PRRX1: variants seen among roughly 807,000 people sequenced by gnomAD.
PRRX1 encodes paired related homeobox 1, also known as paired mesoderm homeobox protein 1.
PRRX1 carries 8 observed loss-of-function variants against 24.0 expected under a neutral mutation model. That is an observed-to-expected ratio of 0.33 (90% CI 0.20 to 0.60). The LOEUF is 0.60. Among genes scored for constraint, PRRX1 ranks in the 20% least tolerant of loss-of-function variants. The pLI, the probability that PRRX1 is intolerant of heterozygous loss-of-function variation, is 0.82. For synonymous variants in PRRX1, 160 were observed against 131.7 expected (o/e 1.22, Z -1.47); for missense variants, 281 against 322.4 (o/e 0.87, Z 0.98).
chr1:170,705,610 T>C (rs1183474337), intron 1 of PRRX1, among the ~76,000 whole-genome samples: 1 of 152,110 alleles, frequency 6.6e-6, no homozygotes, highest in Non-Finnish European at 1.5e-5. Context: ...AATATATATT[T>C]TTTGTTTACT....
intron 3 of PRRX1, among the ~76,000 whole-genome samples, chr1:170,729,320 T>C (rs1035087771): frequency 1.3e-5 from 2 of 152,182 alleles, no homozygotes; most frequent in African/African-American, 2.4e-5. Flanking sequence ...CCTCATCCCA[T>C]TGGACTGATA....
At chr1:170,692,571 C>T (rs1481830434) in intron 1 of PRRX1, among the ~76,000 whole-genome samples, 2 of 148,664 alleles carry the variant, frequency 1.3e-5, no homozygotes, top group Non-Finnish European at 3.0e-5. Context: ...TTTTTAAGAA[C>T]CAGGTCTGTT....
chr1:170,681,078 A>G (rs1192902168), intron 1 of PRRX1, among the ~76,000 whole-genome samples: 1 of 152,202 alleles, frequency 6.6e-6, no homozygotes, highest in Non-Finnish European at 1.5e-5. Context: ...TCTTAATGGA[A>G]GAAGGGAACT....
At chr1:170,716,433 A>C (rs1231130664) in intron 1 of PRRX1, among the ~76,000 whole-genome samples, 2 of 152,158 alleles carry the variant, frequency 1.3e-5, no homozygotes, top group Middle Eastern at 6.8e-3. Context: ...AAATACAAAA[A>C]ATTAGCTGGG....
At chr1:170,671,867 G>A (rs1370023450) in intron 1 of PRRX1, among the ~76,000 whole-genome samples, 2 of 152,166 alleles carry the variant, frequency 1.3e-5, no homozygotes, top group Non-Finnish European at 2.9e-5. Context: ...CCATGGAGCT[G>A]TGTGGACTTT....
At chr1:170,696,485 T>A (rs1483176364) in intron 1 of PRRX1, among the ~76,000 whole-genome samples, 1 of 152,156 alleles carries the variant, frequency 6.6e-6, no homozygotes, top group Non-Finnish European at 1.5e-5. Context: ...CTATTTGAAG[T>A]CGTTTATAAG....
intron 1 of PRRX1, among the ~76,000 whole-genome samples, chr1:170,679,633 T>C (rs1303788486): frequency 1.3e-5 from 2 of 152,128 alleles, no homozygotes; most frequent in African/African-American, 4.8e-5. Flanking sequence ...TCTCCTGACC[T>C]TGTGATCCGC....
intron 1 of PRRX1, among the ~76,000 whole-genome samples, chr1:170,715,089 C>T (rs1183134181): frequency 2.0e-5 from 3 of 151,980 alleles, no homozygotes. Flanking sequence ...GGAATCAGAC[C>T]ACAAGGCTTT....
intron 2 of PRRX1, among the ~76,000 whole-genome samples, chr1:170,720,172 G>A (rs1655035018): frequency 6.6e-6 from 1 of 152,176 alleles, no homozygotes; most frequent in African/African-American, 2.4e-5. Context: ...CAGCTTCTTG[G>A]AAGGCTGAGG....
At chr1:170,698,357 A>G (rs1333471780) in intron 1 of PRRX1, among the ~76,000 whole-genome samples, 1 of 152,176 alleles carries the variant, frequency 6.6e-6, no homozygotes, top group South Asian at 2.1e-4. Context: ...CTTGAGAAAA[A>G]CACTTTTTAA....
chr1:170,715,718 A>G (rs1194860084), intron 1 of PRRX1, among the ~76,000 whole-genome samples: 3 of 152,236 alleles, frequency 2.0e-5, no homozygotes, highest in Admixed American at 1.3e-4. Flanking sequence ...GAAGAATGCA[A>G]GAACATCTGG....
Position 170,664,765 on chromosome 1 carries a change from C to T in PRRX1, c.241+306C>T, listed in dbSNP as rs1022560184. On this transcript the variant is annotated intron_variant, in intron 1 of 3. Transcript: ENST00000239461. ...TCTCTTTACTTCGGCTAGGCACCGG[C>T]TCGGTTCATCCCGCACGCGGGGCGG... Among the ~76,000 whole-genome samples, 86 of 152,382 alleles carry T rather than the reference C, an allele frequency of 5.6e-4. 1 individual carries two copies. The highest frequency in any genetic ancestry group is 2.0e-3 in the African/African-American group (82 of 41,598).
chr1:170,706,237 T>G (rs1209156467), intron 1 of PRRX1, among the ~76,000 whole-genome samples: 1 of 152,186 alleles, frequency 6.6e-6, no homozygotes, highest in African/African-American at 2.4e-5. Context: ...GGAATGTATA[T>G]CCATGGAATT....
intron 1 of PRRX1, among the ~76,000 whole-genome samples, chr1:170,719,294 C>T (rs955999571): frequency 2.0e-5 from 3 of 152,206 alleles, no homozygotes; most frequent in African/African-American, 4.8e-5. Context: ...AGAGAAGGAA[C>T]CAGGAGATAA....
intron 1 of PRRX1, among the ~76,000 whole-genome samples, chr1:170,683,341 C>G (rs1430978138): frequency 1.3e-5 from 2 of 152,262 alleles, no homozygotes; most frequent in East Asian, 3.9e-4. Context: ...TACAGGGGCT[C>G]AGGAGGCTGA....
intron 1 of PRRX1, among the ~76,000 whole-genome samples, chr1:170,713,435 T>C (rs1301346623): frequency 6.6e-6 from 1 of 152,216 alleles, no homozygotes; most frequent in Non-Finnish European, 1.5e-5. Context: ...TAAGGTGATA[T>C]GGATTGTGTT....
At chr1:170,718,006 C>G (rs964159651) in intron 1 of PRRX1, among the ~76,000 whole-genome samples, 3 of 152,146 alleles carry the variant, frequency 2.0e-5, no homozygotes, top group Admixed American at 6.5e-5. Context: ...AAGCTGGGCC[C>G]TGAGGTAAGG....
At chr1:170,686,184 A>AAAAAAAC (rs1159709041) in intron 1 of PRRX1, among the ~76,000 whole-genome samples, 2 of 151,944 alleles carry the variant, frequency 1.3e-5, no homozygotes, top group African/African-American at 4.8e-5. Context: ...GGGTACAAAA[A>AAAAAAAC]AAAAAAAAAA....
chr1:170,738,844 T>C lies in PRRX1; in HGVS notation c.*2658T>C, dbSNP rs1377357762. 8.7e-6 allele frequency: 2 copies of C among 229,276 alleles called. No individual in the cohort carries two copies. Among genetic ancestry groups the C allele is most frequent in the Non-Finnish European group, 1.7e-5 (2 of 115,682 alleles). The allele number at this position is 229,276 out of a possible 1,614,324, so 14.2% of individuals were successfully genotyped here. A position where few individuals can be genotyped will look rare whatever the true frequency, so the allele number is the denominator to read the frequency against. ...TGATAGGTGAAGTTGGGTGGTTTTATCCAATGTCTCAAGCAAGCAATGTCT... is the reference window on the plus strand; with the variant it reads ...TGATAGGTGAAGTTGGGTGGTTTTACCCAATGTCTCAAGCAAGCAATGTCT... On this transcript the variant is annotated 3_prime_UTR_variant, in exon 4 of 4. Transcript: ENST00000239461.
Sources: allele counts gnomAD v4.1 joint callset (sites outside exome capture counted in the v4.1 genomes callset), GRCh38; gene constraint gnomAD v4.1.1; transcripts MANE v1.5; gene names NCBI Gene and HGNC (gene_info 2026-07-23, HGNC 2026-07-21).